Variants in PCDHA11 observed in about 807,000 individuals in gnomAD.
PCDHA11 encodes the protein protocadherin alpha-11.
PCDHA11 carries 61 observed loss-of-function variants against 70.3 expected under a neutral mutation model. The observed-to-expected ratio is 0.87, with a 90% CI of 0.71 to 1.07. The LOEUF (loss-of-function observed/expected upper bound fraction) is 1.07, where lower values mean the gene tolerates loss of function less well. Among genes scored for constraint, PCDHA11 ranks in the 50% least tolerant of loss-of-function variants. PCDHA11 has a pLI of 0.00. For missense variants in PCDHA11, 1,324 were observed against 1,237.5 expected, an observed-to-expected ratio of 1.07 and a Z score of -1.05; for synonymous variants, 633 against 555.1, an observed-to-expected ratio of 1.14 and a Z score of -1.97.
intron 1 of PCDHA11, chr5:140,882,302 C>T (rs2059055627): frequency 1.2e-6 from 2 of 1,613,794 alleles, no homozygotes; most frequent in Non-Finnish European, 8.5e-7. Context: ...CCCAAGACCG[C>T]GGCAACTACT....
intron 1 of PCDHA11, chr5:140,877,728 G>A: frequency 1.2e-6 from 2 of 1,614,164 alleles, no homozygotes; most frequent in Non-Finnish European, 1.7e-6. Context: ...CTTACTCGCA[G>A]CAGAGGAGGC....
chr5:140,971,488 A>G (rs17119328), intron 1 of PCDHA11, among the ~76,000 whole-genome samples: 1 of 152,104 alleles, frequency 6.6e-6, no homozygotes, highest in African/African-American at 2.4e-5. Flanking sequence ...ACATTGTTAC[A>G]GTGTGGCAAG....
intron 1 of PCDHA11, among the ~76,000 whole-genome samples, chr5:140,952,331 T>G (rs1302386893): frequency 1.8e-5 from 2 of 112,488 alleles, no homozygotes; most frequent in African/African-American, 7.8e-5. Context: ...AGAGTGAAAC[T>G]CCATCTCAAA....
chr5:140,876,855 A>C (rs371246236), intron 1 of PCDHA11: 7 of 1,613,934 alleles, frequency 4.3e-6, no homozygotes, highest in East Asian at 2.2e-5. Flanking sequence ...CCGAGTACAC[A>C]GTGTTCGTGA....
chr5:140,887,941 A>C (rs529131971), intron 1 of PCDHA11, among the ~76,000 whole-genome samples: 25 of 152,194 alleles, frequency 1.6e-4, no homozygotes, highest in Admixed American at 7.8e-4. Flanking sequence ...TTTATTTCTT[A>C]TCTGTATAAG....
intron 1 of PCDHA11, among the ~76,000 whole-genome samples, chr5:140,955,549 C>T (rs1216178805): frequency 6.6e-6 from 1 of 152,140 alleles, no homozygotes; most frequent in Non-Finnish European, 1.5e-5. Context: ...TTCTTGAGGC[C>T]TCCCCAGCCA....
Position 140,871,376 on chromosome 5 carries a change from G to C in PCDHA11, c.2273G>C (p.Cys758Ser). 1 of 1,614,196 alleles carries C rather than the reference G, an allele frequency of 6.2e-7. No homozygotes were observed. Among genetic ancestry groups the C allele is most frequent in the Non-Finnish European group, 8.5e-7 (1 of 1,180,018 alleles). ...SYSQQRRQRV[C>S]SEEGPPKTDL... ...TCGCAGCAGAGGCGGCAGAGGGTGT[G>C]CTCTGAGGAGGGCCCACCTAAGACG... Residue 758 changes from cysteine to serine, a missense_variant, in exon 1 of 4, where the codon TGC becomes TCC. Coordinates refer to ENST00000398640, the MANE Select transcript of PCDHA11 (RefSeq NM_018902.5).
At position 140,876,973 on chromosome 5, in the gene PCDHA11, G is replaced by A. The variant is rs2056750069; in HGVS notation, c.2391+5479G>A. ...CTCGCTGGTGGAGCGGCGGGTGGGC[G>A]AGCACGCACTGTCGAGCTACGTGTC... is the stretch of plus-strand genomic sequence containing the variant. On this transcript the variant is annotated intron_variant, in intron 1 of 3. Transcript: ENST00000398640. 3 of 1,612,624 alleles carry A rather than the reference G, an allele frequency of 1.9e-6. No individual in the cohort carries two copies. The South Asian group carries it at 3.3e-5, about 18-fold the overall frequency.
intron 1 of PCDHA11, among the ~76,000 whole-genome samples, chr5:140,895,035 C>T (rs1235775113): frequency 6.6e-6 from 1 of 152,104 alleles, no homozygotes; most frequent in East Asian, 1.9e-4. Context: ...AATTGTCCCC[C>T]ACCCACACCA....
chr5:140,976,037 T>C (rs1466922826), intron 1 of PCDHA11, among the ~76,000 whole-genome samples: 1 of 152,200 alleles, frequency 6.6e-6, no homozygotes, highest in Non-Finnish European at 1.5e-5. Context: ...ATTTCAACTG[T>C]GATTGAAATT....
Position 140,982,278 on chromosome 5 carries a change from A to G in PCDHA11, c.2451-197A>G, listed in dbSNP as rs997424016. On this transcript the variant is annotated intron_variant, in intron 2 of 3. Transcript: ENST00000398640. ...ATGTGTGTTCCTGGAATAGTATAGC[A>G]GGCAATAAGTAAGTCAGCAATGCTT... 8.2e-6 allele frequency: 8 copies of G among 980,114 alleles called. No homozygotes were observed. In the South Asian group the frequency reaches 1.1e-4, roughly 14 times the overall value. The allele number at this position is 980,114 out of a possible 1,614,324, so 60.7% of individuals were successfully genotyped here.
intron 1 of PCDHA11, among the ~76,000 whole-genome samples, chr5:140,886,622 C>T (rs1483241958): frequency 6.6e-6 from 1 of 151,430 alleles, no homozygotes; most frequent in Non-Finnish European, 1.5e-5. Context: ...GATCAGGAGT[C>T]CGAGACCAGC....
intron 1 of PCDHA11, among the ~76,000 whole-genome samples, chr5:140,907,186 C>A (rs782137829): frequency 1.3e-4 from 20 of 152,186 alleles, no homozygotes; most frequent in Non-Finnish European, 2.5e-4. Context: ...AGAGCATACA[C>A]AACCTTCTGG....
chr5:140,907,708 C>T (rs1477501652), intron 1 of PCDHA11, among the ~76,000 whole-genome samples: 1 of 152,142 alleles, frequency 6.6e-6, no homozygotes, highest in East Asian at 1.9e-4. Flanking sequence ...TGTTGCTGAG[C>T]CCATGTGTAA....
At chr5:140,938,322 A>G (rs1467948489) in intron 1 of PCDHA11, among the ~76,000 whole-genome samples, 1 of 152,240 alleles carries the variant, frequency 6.6e-6, no homozygotes, top group Admixed American at 6.5e-5. Context: ...ATTGAATAGA[A>G]GTAATGTTAA....
intron 1 of PCDHA11, among the ~76,000 whole-genome samples, chr5:140,961,969 C>T (rs188846719): frequency 1.5e-4 from 23 of 151,904 alleles, no homozygotes; most frequent in African/African-American, 5.1e-4. Flanking sequence ...CTGCAACCTC[C>T]GCCTCCTGGG....
At chr5:140,927,822 T>C in intron 1 of PCDHA11, 1 of 1,614,152 alleles carries the variant, frequency 6.2e-7, no homozygotes, top group Non-Finnish European at 8.5e-7. Context: ...AGGCATACAT[T>C]GAGGCGAGGG....
chr5:140,891,440 G>T (rs1583052190), intron 1 of PCDHA11, among the ~76,000 whole-genome samples: 1 of 147,558 alleles, frequency 6.8e-6, no homozygotes, highest in Admixed American at 6.9e-5. Flanking sequence ...AACGTCCATT[G>T]TATAGGATTT....
intron 1 of PCDHA11, among the ~76,000 whole-genome samples, chr5:140,905,257 C>T (rs920530176): frequency 6.6e-6 from 1 of 152,168 alleles, no homozygotes; most frequent in African/African-American, 2.4e-5. Context: ...CCACATGAGG[C>T]TTGGCAGTTA....
Sources: allele counts gnomAD v4.1 joint callset (sites outside exome capture counted in the v4.1 genomes callset), GRCh38; gene constraint gnomAD v4.1.1; transcripts MANE v1.5; gene names NCBI Gene and HGNC (gene_info 2026-07-23, HGNC 2026-07-21).